The following RFWD3 variants were observed in gnomAD, a reference collection of about 807,000 sequenced individuals.
The protein encoded by RFWD3 is ring finger and WD repeat domain 3.
A neutral mutation model predicts 87.7 loss-of-function variants in RFWD3; 65 were observed. That is an observed-to-expected ratio of 0.74 (90% confidence interval 0.61 to 0.91). RFWD3 has a LOEUF of 0.91. Among genes scored for constraint, RFWD3 ranks in the 40% least tolerant of loss-of-function variants. RFWD3 has a pLI of 0.00. For missense variants in RFWD3, 1,078 were observed against 938.5 expected, an observed-to-expected ratio of 1.15 and a Z score of -1.94; for synonymous variants, 433 against 352.8, an observed-to-expected ratio of 1.23 and a Z score of -2.55.
intron 1 of RFWD3, among the ~76,000 whole-genome samples, chr16:74,663,158 C>A (rs1357107253): frequency 6.6e-6 from 1 of 152,098 alleles, no homozygotes; most frequent in African/African-American, 2.4e-5. Flanking sequence ...CCAGCCTCAG[C>A]CTCCCAAAGT....
At chr16:74,629,909 G>C (rs1227847716) in intron 10 of RFWD3, among the ~76,000 whole-genome samples, 2 of 152,124 alleles carry the variant, frequency 1.3e-5, no homozygotes, top group Non-Finnish European at 2.9e-5. Flanking sequence ...GAGTGGTGCT[G>C]GTGGCCATCC....
intron 7 of RFWD3, among the ~76,000 whole-genome samples, chr16:74,637,190 C>T (rs928044847): frequency 5.3e-5 from 8 of 150,174 alleles, no homozygotes; most frequent in Non-Finnish European, 1.0e-4. Context: ...CCATGGCATC[C>T]AGGCTGGAGT....
intron 7 of RFWD3, 139 bp downstream of exon 7, chr16:74,637,717 A>G: frequency 1.7e-6 from 1 of 603,044 alleles, no homozygotes. Context: ...CTAATCAGAA[A>G]TAAAATAAGG....
At chr16:74,656,590 T>A (rs1227909748) in intron 2 of RFWD3, among the ~76,000 whole-genome samples, 2 of 152,022 alleles carry the variant, frequency 1.3e-5, no homozygotes, top group African/African-American at 4.8e-5. Flanking sequence ...CCTAAGTAGC[T>A]GGGACTACAG....
rs1219144996 is a variant in RFWD3, at chr16:74,630,850, C to G, written c.1685G>C (p.Gly562Ala). The part of the protein sequence containing the change: ...ANYIYAGLAN[G>A]SILVYDVRNT... ...TCGCACGTCATATACCAGAATTGAA[C>G]CATTGGCCAGTCCAGCATAGATGTA... Residue 562 changes from glycine to alanine, a missense_variant, in exon 10 of 13, where the codon GGT (glycine) becomes GCT (alanine). Transcript: ENST00000361070. 1 of 1,613,876 alleles carries G rather than the reference C, an allele frequency of 6.2e-7. No individual in the cohort carries two copies. Among genetic ancestry groups the G allele is most frequent in the Non-Finnish European group, 8.5e-7 (1 of 1,179,960 alleles).
intron 3 of RFWD3, among the ~76,000 whole-genome samples, chr16:74,650,446 T>C (rs1960475943): frequency 6.6e-6 from 1 of 151,476 alleles, no homozygotes. Flanking sequence ...TTGCAGCACA[T>C]TAGAGGCACA....
At chr16:74,627,294 G>C (rs1275467685) in intron 11 of RFWD3, among the ~76,000 whole-genome samples, 2 of 152,076 alleles carry the variant, frequency 1.3e-5, no homozygotes, top group African/African-American at 4.8e-5. Flanking sequence ...CTGTTTTTAG[G>C]GCTAGCATAA....
chr16:74,665,684 C>T (rs987540414), intron 1 of RFWD3, among the ~76,000 whole-genome samples: 2 of 152,110 alleles, frequency 1.3e-5, no homozygotes, highest in African/African-American at 4.8e-5. Flanking sequence ...CCCTGGGGCC[C>T]GGGAGTTCGA....
chr16:74,654,356 G>A (rs1960804654), intron 2 of RFWD3, among the ~76,000 whole-genome samples: 1 of 151,750 alleles, frequency 6.6e-6, no homozygotes, highest in Admixed American at 6.6e-5. Flanking sequence ...TGCCTGTGTT[G>A]GGTTTTGTTT....
chr16:74,658,314 C>T (rs1961159470), intron 2 of RFWD3, among the ~76,000 whole-genome samples: 1 of 152,216 alleles, frequency 6.6e-6, no homozygotes, highest in Non-Finnish European at 1.5e-5. Flanking sequence ...ATGACCCCCA[C>T]TGCCAGAATG....
intron 1 of RFWD3, among the ~76,000 whole-genome samples, chr16:74,665,564 C>G (rs1961816178): frequency 6.6e-6 from 1 of 150,956 alleles, no homozygotes; most frequent in Non-Finnish European, 1.5e-5. Flanking sequence ...GGCAACAAAG[C>G]GAGACTCTAT....
At chr16:74,631,281 T>G (rs1025064473) in intron 9 of RFWD3, among the ~76,000 whole-genome samples, 4 of 152,138 alleles carry the variant, frequency 2.6e-5, no homozygotes, top group African/African-American at 9.7e-5. Context: ...GTCAGGAGTT[T>G]GAGACCAGCC....
At position 74,630,253 on chromosome 16, in the gene RFWD3, G is replaced by A. The variant is rs571532932; in HGVS notation, c.1754+528C>T. Among the ~76,000 whole-genome samples, 15 of 152,264 alleles carry A rather than the reference G, an allele frequency of 9.9e-5. 2 individuals carry two copies. Among genetic ancestry groups the A allele is most frequent in the South Asian group, 2.1e-4 (1 of 4,826 alleles). Reference sequence around the variant, plus strand: ...TGGGATTACAGGCGTGTGCCACCACGCATGGCTAACATTTTTTTGTATTTT... The same window carrying A: ...TGGGATTACAGGCGTGTGCCACCACACATGGCTAACATTTTTTTGTATTTT... On this transcript the variant is annotated intron_variant, in intron 10 of 12. Coordinates refer to ENST00000361070, the MANE Select transcript of RFWD3 (RefSeq NM_018124.4).
At chr16:74,654,241 G>C (rs138788771) in intron 2 of RFWD3, among the ~76,000 whole-genome samples, 2 of 152,018 alleles carry the variant, frequency 1.3e-5, no homozygotes, top group African/African-American at 4.8e-5. Context: ...TGTCAATTTT[G>C]TTGATCTTTT....
chr16:74,622,416 G>C lies in RFWD3; in HGVS notation c.*1512C>G, dbSNP rs1958797369. ...GAGGTGGGAGGATTGCTTGAGGCCA[G>C]GAGTCCAAGACCAGCCTGGACAACG... On this transcript the variant is annotated 3_prime_UTR_variant, in exon 13 of 13. Coordinates refer to ENST00000361070, the MANE Select transcript of RFWD3 (RefSeq NM_018124.4). The C allele has an allele frequency of 6.6e-6, 1 of 152,118 alleles. No homozygotes were observed. Among genetic ancestry groups the C allele is most frequent in the Admixed American group, 6.6e-5 (1 of 15,256 alleles). 9.4% of individuals were successfully genotyped at this position (152,118 alleles called of 1,614,324 possible).
intron 4 of RFWD3, among the ~76,000 whole-genome samples, chr16:74,648,665 G>C (rs533569899): frequency 1.3e-5 from 2 of 151,670 alleles, no homozygotes; most frequent in Admixed American, 6.6e-5. Flanking sequence ...CCAGCTGCTC[G>C]GGAGGCTGAG....
intron 8 of RFWD3, among the ~76,000 whole-genome samples, chr16:74,632,988 C>T (rs180689746): frequency 2.7e-4 from 41 of 151,826 alleles, no homozygotes; most frequent in Non-Finnish European, 4.4e-4. Flanking sequence ...TAAAAAAGTA[C>T]AACCCAGGCC....
In RFWD3 at chr16:74,652,124, T is replaced by C. The variant is rs1960617669; in HGVS notation, c.519-2A>G. 4 of 1,613,378 alleles carry C rather than the reference T, an allele frequency of 2.5e-6. No individual in the cohort carries two copies. Among genetic ancestry groups the C allele is most frequent in the African/African-American group, 2.7e-5 (2 of 74,994 alleles). On this transcript the variant is annotated splice_acceptor_variant, in intron 2 of 12. Coordinates refer to ENST00000361070, the MANE Select transcript of RFWD3 (RefSeq NM_018124.4). LOFTEE classifies it high-confidence loss of function. ...TAAGCATCCAATGGTGCTCTCAACC[T>C]ATGTACACAGAAAGACAACGGAATT...
intron 2 of RFWD3, among the ~76,000 whole-genome samples, chr16:74,657,913 G>C (rs531632412): frequency 1.3e-5 from 2 of 152,228 alleles, no homozygotes; most frequent in African/African-American, 4.8e-5. Flanking sequence ...ATACATACTA[G>C]AGTTAGGGTG....
Sources: gnomAD v4.1 joint callset for allele counts (sites outside exome capture counted in the v4.1 genomes callset) on GRCh38, gnomAD v4.1.1 for gene constraint, MANE v1.5 for transcripts, NCBI Gene and HGNC (gene_info 2026-07-23, HGNC 2026-07-21) for gene names.